The following MID2 variants were observed in gnomAD, a reference collection of about 807,000 sequenced individuals.
MID2 encodes the protein midline 2.
MID2 carries 13 observed loss-of-function variants against 46.1 expected under a neutral mutation model. That is an observed-to-expected ratio of 0.28 (90% CI 0.18 to 0.45). The LOEUF is 0.45. Ranked by LOEUF, MID2 falls within the 20% of genes least tolerant of loss-of-function variation. MID2 has a pLI of 1.00. For synonymous variants in MID2, 199 were observed against 212.3 expected, an observed-to-expected ratio of 0.94 and a Z score of 0.55; for missense variants, 431 against 575.4, an observed-to-expected ratio of 0.75 and a Z score of 2.57.
chrX:107,895,079 C>A (rs1315879764), intron 3 of MID2: 1 of 110,471 alleles, frequency 9.1e-6, no homozygotes, highest in African/African-American at 3.3e-5. Context: ...ATTTAACTAA[C>A]CTTCTCTAAT....
At chrX:107,851,310 C>G (rs775021274) in intron 2 of MID2, among the ~76,000 whole-genome samples, 2 of 111,710 alleles carry the variant, frequency 1.8e-5, no homozygotes, top group Admixed American at 1.9e-4. Flanking sequence ...TCTTCCAAAA[C>G]CCTACTGAAA....
chrX:107,862,202 A>T (rs954824439), intron 3 of MID2, among the ~76,000 whole-genome samples: 2 of 111,331 alleles, frequency 1.8e-5, no homozygotes, highest in African/African-American at 6.5e-5. Context: ...AGGAGGTGTA[A>T]TAGCAGGAAC....
chrX:107,879,344 A>G, intron 3 of MID2, among the ~76,000 whole-genome samples: 1 of 111,696 alleles, frequency 9.0e-6, no homozygotes, highest in East Asian at 2.8e-4. Flanking sequence ...CTCAGCGGGA[A>G]GGGGAGCTGA....
At chrX:107,912,941 T>C (rs967709326) in intron 5 of MID2, among the ~76,000 whole-genome samples, 1 of 110,910 alleles carries the variant, frequency 9.0e-6, no homozygotes, top group African/African-American at 3.3e-5. Flanking sequence ...GGGAGAGATA[T>C]GCCTTTCCCC....
intron 1 of MID2, among the ~76,000 whole-genome samples, 198 bp downstream of exon 1, chrX:107,826,628 G>C (rs942895492): frequency 6.2e-5 from 7 of 112,763 alleles, no homozygotes; most frequent in African/African-American, 1.9e-4. Context: ...CCGGCTCTCA[G>C]TCATGCTGTT....
chrX:107,881,392 A>T (rs1475828361), intron 3 of MID2, among the ~76,000 whole-genome samples: 1 of 112,160 alleles, frequency 8.9e-6, no homozygotes, highest in African/African-American at 3.2e-5. Context: ...TAAGCAGTTA[A>T]ATGTCCCCAT....
intron 5 of MID2, among the ~76,000 whole-genome samples, chrX:107,906,868 G>A (rs748482773): frequency 2.7e-5 from 3 of 112,598 alleles, no homozygotes; most frequent in Non-Finnish European, 5.6e-5. Flanking sequence ...TTACAGGCGT[G>A]AGCCACTGCC....
chrX:107,920,259 AG>A (rs1422234637), intron 7 of MID2, among the ~76,000 whole-genome samples: 1 of 111,925 alleles, frequency 8.9e-6, no homozygotes, highest in Non-Finnish European at 1.9e-5. Context: ...CTTGTTGGTG[AG>A]GATTATTCCC....
chrX:107,849,808 G>C (rs1931569890), intron 2 of MID2, among the ~76,000 whole-genome samples: 1 of 112,328 alleles, frequency 8.9e-6, no homozygotes, highest in Non-Finnish European at 1.9e-5. Context: ...TGGAGGTGAA[G>C]AAGGTATCAC....
At chrX:107,878,170 T>TG (rs1490306188) in intron 3 of MID2, among the ~76,000 whole-genome samples, 1 of 109,845 alleles carries the variant, frequency 9.1e-6, no homozygotes, top group Non-Finnish European at 1.9e-5. Context: ...GGACGGTGAG[T>TG]GGGAAATGCT....
chrX:107,875,750 A>T (rs1932183190), intron 3 of MID2, among the ~76,000 whole-genome samples: 1 of 111,868 alleles, frequency 8.9e-6, no homozygotes, highest in Non-Finnish European at 1.9e-5. Context: ...TGGAAAAAAT[A>T]CCGGATTAAG....
chrX:107,873,596 A>G (rs1300861190), intron 3 of MID2, among the ~76,000 whole-genome samples: 1 of 111,807 alleles, frequency 8.9e-6, no homozygotes, highest in East Asian at 2.8e-4. Flanking sequence ...TGCCCATTCT[A>G]TTTCCACAGG....
chrX:107,839,712 T>C (rs1275131213), intron 1 of MID2, among the ~76,000 whole-genome samples: 1 of 112,095 alleles, frequency 8.9e-6, no homozygotes, highest in Non-Finnish European at 1.9e-5. Context: ...AATTGAAGGT[T>C]ACCAGATCTT....
intron 3 of MID2, among the ~76,000 whole-genome samples, chrX:107,902,321 A>G (rs1198811903): frequency 8.9e-6 from 1 of 111,985 alleles, no homozygotes; most frequent in Non-Finnish European, 1.9e-5. Flanking sequence ...ACCAGTAGCC[A>G]CCTAAAAAAG....
chrX:107,886,558 A>G (rs953746572), intron 3 of MID2, among the ~76,000 whole-genome samples: 9 of 111,856 alleles, frequency 8.0e-5, no homozygotes, highest in East Asian at 5.6e-4. Context: ...AGGTAGCGTG[A>G]TGCTTCCAGC....
intron 5 of MID2, among the ~76,000 whole-genome samples, chrX:107,914,368 C>A (rs1932935488): frequency 8.9e-6 from 1 of 112,369 alleles, no homozygotes; most frequent in African/African-American, 3.2e-5. Flanking sequence ...CCTTACTCAC[C>A]AAATCCTGGC....
At position 107,927,330 on chromosome X, in the gene MID2, T is replaced by C; in HGVS notation, c.*257T>C. On this transcript the variant is annotated 3_prime_UTR_variant, in exon 10 of 10. Transcript: ENST00000262843. ...ATTTAGAAAATGCCTCTGTTGTCAT[T>C]GGAGAATTAAAAATTCCCAATGATT... 3.7e-6 allele frequency: 1 copy of C among 272,172 alleles called. No individual in the cohort carries two copies. Among genetic ancestry groups the C allele is most frequent in the Non-Finnish European group, 6.5e-6 (1 of 154,824 alleles). 22.4% of individuals were successfully genotyped at this position (272,172 alleles called of 1,213,427 possible). A position where few individuals can be genotyped will look rare whatever the true frequency, so the allele number is the denominator to read the frequency against.
intron 3 of MID2, among the ~76,000 whole-genome samples, chrX:107,864,728 A>G (rs1931921452): frequency 8.9e-6 from 1 of 112,326 alleles, no homozygotes; most frequent in African/African-American, 3.2e-5. Flanking sequence ...CTGCAAATAT[A>G]TAGATTTCCT....
At chrX:107,867,585 G>T (rs944145653) in intron 3 of MID2, among the ~76,000 whole-genome samples, 1 of 111,907 alleles carries the variant, frequency 8.9e-6, no homozygotes, top group African/African-American at 3.3e-5. Context: ...TTGGCACATA[G>T]TAGGCACTCA....
Sources: gnomAD v4.1 joint callset for allele counts (sites outside exome capture counted in the v4.1 genomes callset) on GRCh38, gnomAD v4.1.1 for gene constraint, MANE v1.5 for transcripts, NCBI Gene and HGNC (gene_info 2026-07-23, HGNC 2026-07-21) for gene names.